HS1BP3: variants seen among roughly 807,000 people sequenced by gnomAD.
HS1BP3 encodes the protein HCLS1-binding protein 3.
In HS1BP3, 32 loss-of-function variants were observed where a neutral mutation model predicts 33.5. The observed-to-expected ratio is 0.95, with a 90% CI of 0.72 to 1.28. The LOEUF (loss-of-function observed/expected upper bound fraction) is 1.28, where lower values mean the gene tolerates loss of function less well. Ranked by LOEUF, HS1BP3 falls within the 50% of genes most tolerant of loss-of-function variation. The probability of loss-of-function intolerance (pLI) is 0.00; values close to 1 mark genes in which losing one functional copy is unlikely to be tolerated. For synonymous variants in HS1BP3, 187 were observed against 209.2 expected, an observed-to-expected ratio of 0.89 and a Z score of 0.92; for missense variants, 486 against 502.3, an observed-to-expected ratio of 0.97 and a Z score of 0.31.
intron 2 of HS1BP3, among the ~76,000 whole-genome samples, chr2:20,601,801 C>T (rs867911836): frequency 1.6e-5 from 1 of 64,266 alleles, no homozygotes; most frequent in African/African-American, 4.8e-5. Flanking sequence ...TTTTTTGAGA[C>T]GGAGTCTTGC....
chr2:20,564,720 G>A (rs2149270395), intron 5 of HS1BP3, among the ~76,000 whole-genome samples: 1 of 152,234 alleles, frequency 6.6e-6, no homozygotes, highest in South Asian at 2.1e-4. Flanking sequence ...CTGATCTCAG[G>A]TAATCTGCCC....
chr2:20,570,406 C>G (rs1424154770), intron 5 of HS1BP3, among the ~76,000 whole-genome samples: 1 of 152,134 alleles, frequency 6.6e-6, no homozygotes, highest in Middle Eastern at 3.2e-3. Context: ...CCCTGGGCAC[C>G]TGCTTGCTGC....
At chr2:20,645,727 T>A (rs570786292) in intron 1 of HS1BP3, among the ~76,000 whole-genome samples, 1 of 152,198 alleles carries the variant, frequency 6.6e-6, no homozygotes, top group Non-Finnish European at 1.5e-5. Flanking sequence ...TGCCTTTGGG[T>A]TGCTCAGGGA....
chr2:20,568,157 C>T (rs1282444380), intron 5 of HS1BP3, among the ~76,000 whole-genome samples: 2 of 152,146 alleles, frequency 1.3e-5, no homozygotes, highest in African/African-American at 2.4e-5. Flanking sequence ...CAGACACAAA[C>T]CCAAGTCAGT....
chr2:20,595,866 CA>C (rs1019016909), intron 3 of HS1BP3, among the ~76,000 whole-genome samples: 2 of 151,054 alleles, frequency 1.3e-5, no homozygotes, highest in East Asian at 1.9e-4. Context: ...TCCAAGTGGC[CA>C]AAAAAAAGGT....
intron 3 of HS1BP3, among the ~76,000 whole-genome samples, chr2:20,593,461 T>C (rs1335204923): frequency 6.6e-6 from 1 of 152,226 alleles, no homozygotes; most frequent in Non-Finnish European, 1.5e-5. Context: ...AGTGAATGAA[T>C]GAGCAAGAGT....
chr2:20,584,141 C>T (rs1322031877), intron 5 of HS1BP3, among the ~76,000 whole-genome samples: 1 of 152,204 alleles, frequency 6.6e-6, no homozygotes, highest in Admixed American at 6.5e-5. Context: ...CCCAGAGACT[C>T]CCTGTAGGCT....
intron 5 of HS1BP3, among the ~76,000 whole-genome samples, chr2:20,584,820 G>A (rs144053428): frequency 7.2e-5 from 11 of 152,270 alleles, no homozygotes; most frequent in Admixed American, 2.6e-4. Context: ...AAGGGATGAG[G>A]GCTCTTCTCA....
downstream of HS1BP3, among the ~76,000 whole-genome samples, chr2:20,558,132 C>T (rs904436997): frequency 1.1e-4 from 16 of 152,182 alleles, no homozygotes; most frequent in African/African-American, 3.9e-4. Context: ...TTCCTCTTGA[C>T]ACCAGCAGCC....
At chr2:20,589,096 A>T (rs1459335121), downstream of HS1BP3, among the ~76,000 whole-genome samples, 2 of 152,182 alleles carry the variant, frequency 1.3e-5, no homozygotes, top group Non-Finnish European at 2.9e-5. Flanking sequence ...ATTCAGCCTT[A>T]GCCTTGCCCT....
chr2:20,593,898 C>A (rs147919293), intron 3 of HS1BP3, among the ~76,000 whole-genome samples: 14 of 152,320 alleles, frequency 9.2e-5, no homozygotes, highest in Admixed American at 8.5e-4. Flanking sequence ...TGCCCCAGGG[C>A]CTGCAACACT....
At chr2:20,571,569 G>A (rs182883481) in intron 5 of HS1BP3, among the ~76,000 whole-genome samples, 30 of 152,320 alleles carry the variant, frequency 2.0e-4, no homozygotes, top group African/African-American at 4.3e-4. Flanking sequence ...GAAAAACAGC[G>A]TGCCTCGGAT....
chr2:20,608,594 A>AG (rs1352632644), intron 2 of HS1BP3, among the ~76,000 whole-genome samples: 1 of 150,784 alleles, frequency 6.6e-6, no homozygotes, highest in Non-Finnish European at 1.5e-5. Flanking sequence ...AAAAAAAAAA[A>AG]AAGAAGTAGC....
At chr2:20,644,741 C>T (rs188355127) in intron 2 of HS1BP3, among the ~76,000 whole-genome samples, 21 of 152,328 alleles carry the variant, frequency 1.4e-4, no homozygotes, top group African/African-American at 3.8e-4. Flanking sequence ...TCCATGCTCT[C>T]AGCAGATTGG....
chr2:20,596,614 T>C lies in HS1BP3; in HGVS notation c.*12+1594A>G, dbSNP rs916162869. 2.6e-5 allele frequency among the ~76,000 whole-genome samples: 4 copies of C among 152,348 alleles called. No individual in the cohort carries two copies. In the East Asian group the frequency reaches 7.7e-4, roughly 29 times the overall value. ...AGCTATACATTGCTGTTGTTTATAA[T>C]CACCCAGTCTATGGCAGTTTTTATA... On this transcript the variant is annotated intron_variant, in intron 3 of 3. Transcript: ENST00000415264.
downstream of HS1BP3, among the ~76,000 whole-genome samples, chr2:20,588,222 T>C (rs543791812): frequency 4.6e-5 from 7 of 152,340 alleles, no homozygotes; most frequent in African/African-American, 1.7e-4. Flanking sequence ...TAATTGTCTA[T>C]ATCAAGCATG....
intron 5 of HS1BP3, among the ~76,000 whole-genome samples, chr2:20,575,206 C>T (rs1343246370): frequency 6.6e-6 from 1 of 152,236 alleles, no homozygotes; most frequent in African/African-American, 2.4e-5. Context: ...TGGTCATTCA[C>T]ACCCTCAAGG....
At position 20,618,863 on chromosome 2, in the gene HS1BP3, C is replaced by A; in HGVS notation, c.*124G>T. 6.9e-7 allele frequency: 1 copy of A among 1,447,920 alleles called. No homozygotes were observed. The highest frequency in any genetic ancestry group is 9.1e-7 in the Non-Finnish European group (1 of 1,103,550). The allele number at this position is 1,447,920 out of a possible 1,614,324, so 89.7% of individuals were successfully genotyped here. A position where few individuals can be genotyped will look rare whatever the true frequency, so the allele number is the denominator to read the frequency against. On this transcript the variant is annotated 3_prime_UTR_variant, in exon 7 of 7. Coordinates refer to ENST00000304031, the MANE Select transcript of HS1BP3 (RefSeq NM_022460.4). ...AACCATGCAGTTCTGGGTGCTGTGA[C>A]CCAGGCTTCTGCCTGGCCTCCCCTG... is the stretch of plus-strand genomic sequence containing the variant.
rs560197285 is a variant in HS1BP3, at chr2:20,611,316, C to A, written c.178+12580G>T. Among the ~76,000 whole-genome samples the A allele has an allele frequency of 6.6e-6, 1 of 152,126 alleles. No homozygotes were observed. Among genetic ancestry groups the A allele is most frequent in the Non-Finnish European group, 1.5e-5 (1 of 68,030 alleles). On this transcript the variant is annotated intron_variant, in intron 2 of 3. Transcript: ENST00000415264. The surrounding 1 kb of genome is among the most constrained non-coding windows in gnomAD (Gnocchi z 4.9). ...GGCTTCTTTTCGAAGGAAGGGGGAA[C>A]GCTGGCTCACTCCCTCCCAAAGTGA...
Sources: allele counts gnomAD v4.1 joint callset (sites outside exome capture counted in the v4.1 genomes callset), GRCh38; gene constraint gnomAD v4.1.1; non-coding constraint Gnocchi (gnomAD v3.1); transcripts MANE v1.5; gene names NCBI Gene and HGNC (gene_info 2026-07-23, HGNC 2026-07-21).